RALYL: variants seen among roughly 807,000 people sequenced by gnomAD.
The protein encoded by RALYL is RALY RNA binding protein like.
A neutral mutation model predicts 35.1 loss-of-function variants in RALYL; 29 were observed. That is an observed-to-expected ratio of 0.83 (90% CI 0.61 to 1.13). RALYL has a LOEUF of 1.13. RALYL is among the 50% of genes most tolerant of loss of function. The pLI is 0.00. For missense variants in RALYL, 359 were observed against 360.4 expected (o/e 1.00, Z 0.03); for synonymous variants, 120 against 127.6 (o/e 0.94, Z 0.40).
chr8:84,315,971 A>G (rs188116522), intron 1 of RALYL, among the ~76,000 whole-genome samples: 3 of 152,270 alleles, frequency 2.0e-5, no homozygotes, highest in Admixed American at 2.0e-4. Context: ...AGCACAACTG[A>G]TGCTATTTAG....
intron 4 of RALYL, among the ~76,000 whole-genome samples, chr8:84,849,296 T>C (rs1385555999): frequency 6.6e-6 from 1 of 152,198 alleles, no homozygotes; most frequent in Non-Finnish European, 1.5e-5. Flanking sequence ...ATTTAAAGTA[T>C]TGAATCCATA....
chr8:84,692,923 A>G (rs1238133999), intron 2 of RALYL, among the ~76,000 whole-genome samples: 1 of 152,038 alleles, frequency 6.6e-6, no homozygotes, highest in African/African-American at 2.4e-5. Flanking sequence ...GGAAGAGGCC[A>G]TGAGCCAAGG....
intron 1 of RALYL, among the ~76,000 whole-genome samples, chr8:84,218,062 A>T (rs887405783): frequency 1.3e-4 from 20 of 152,080 alleles, no homozygotes; most frequent in Non-Finnish European, 2.4e-4. Flanking sequence ...TTTCTGAAAA[A>T]ATATAAAGTC....
At chr8:84,902,799 A>G (rs776701110) in intron 8 of RALYL, among the ~76,000 whole-genome samples, 3 of 152,172 alleles carry the variant, frequency 2.0e-5, no homozygotes, top group African/African-American at 7.2e-5. Flanking sequence ...TGGGTTATTG[A>G]AAAGATTAAA....
At chr8:84,256,004 T>C (rs182229174) in intron 1 of RALYL, among the ~76,000 whole-genome samples, 106 of 152,244 alleles carry the variant, frequency 7.0e-4, no homozygotes, top group African/African-American at 2.5e-3. Flanking sequence ...CAGAGTATCA[T>C]GAAATAATCT....
chr8:84,496,045 C>A (rs1564032227), intron 1 of RALYL, among the ~76,000 whole-genome samples: 1 of 151,944 alleles, frequency 6.6e-6, no homozygotes, highest in Admixed American at 6.6e-5. Flanking sequence ...AAGCACTATG[C>A]ATTATACAGG....
chr8:84,775,087 T>C (rs1462670631), intron 3 of RALYL, among the ~76,000 whole-genome samples: 1 of 152,080 alleles, frequency 6.6e-6, no homozygotes, highest in Non-Finnish European at 1.5e-5. Context: ...GAAGCTGGGA[T>C]TGCAGGTGCC....
Position 84,681,523 on chromosome 8 carries a change from C to G in RALYL, c.257-93056C>G, listed in dbSNP as rs540934673. Among the ~76,000 whole-genome samples, 1,074 of 152,218 alleles carry G rather than the reference C, an allele frequency of 7.1e-3. 9 individuals carry two copies. The highest frequency in any genetic ancestry group is 0.014 in the Middle Eastern group (4 of 294). ...TTGTGTCCTCTTTTATTTTGTTGAG[C>G]AGTGGTTTGTAGTTCTCCTCGAAGA... On this transcript the variant is annotated intron_variant, in intron 2 of 8. Transcript: ENST00000521268.
At chr8:84,907,064 C>T in intron 8 of RALYL, 1 of 641,108 alleles carries the variant, frequency 1.6e-6, no homozygotes, top group Non-Finnish European at 1.9e-6. Flanking sequence ...TCCCGGAAAC[C>T]TTATGCATAT....
chr8:84,298,776 C>G (rs142569354), intron 1 of RALYL, among the ~76,000 whole-genome samples: 3 of 152,004 alleles, frequency 2.0e-5, no homozygotes, highest in African/African-American at 7.2e-5. Flanking sequence ...TTTCGCCTCC[C>G]TGGTTAGCTG....
intron 7 of RALYL, among the ~76,000 whole-genome samples, chr8:84,885,642 T>C (rs955620370): frequency 6.6e-6 from 1 of 152,174 alleles, no homozygotes; most frequent in African/African-American, 2.4e-5. Flanking sequence ...TCTATTTATA[T>C]GAAGTAAATG....
chr8:84,718,450 T>A (rs1364673641), intron 2 of RALYL, among the ~76,000 whole-genome samples: 1 of 152,126 alleles, frequency 6.6e-6, no homozygotes, highest in Non-Finnish European at 1.5e-5. Flanking sequence ...TTTTAATTAT[T>A]GCATAAAATT....
chr8:84,873,678 T>A (rs950840932), intron 7 of RALYL, among the ~76,000 whole-genome samples: 10 of 152,180 alleles, frequency 6.6e-5, no homozygotes, highest in Non-Finnish European at 1.5e-4. Flanking sequence ...TGAAACTTTA[T>A]CTCAATATCA....
At chr8:84,911,785 T>G (rs7013566) in intron 8 of RALYL, among the ~76,000 whole-genome samples, 22,369 of 152,068 alleles carry the variant, frequency 0.15, 3,776 homozygotes, top group African/African-American at 0.41. Flanking sequence ...TCAATATTTT[T>G]CTAGGATGGC....
chr8:84,914,421 A>G (rs1012312492), intron 8 of RALYL, among the ~76,000 whole-genome samples: 1 of 152,042 alleles, frequency 6.6e-6, no homozygotes, highest in Non-Finnish European at 1.5e-5. Flanking sequence ...ACTATAATCT[A>G]TCAATGCAAC....
chr8:84,837,614 T>C (rs1225485878), intron 4 of RALYL, among the ~76,000 whole-genome samples: 1 of 152,188 alleles, frequency 6.6e-6, no homozygotes, highest in Non-Finnish European at 1.5e-5. Context: ...AAAGTTTAAA[T>C]GAAATTTCAG....
At chr8:84,638,375 C>G (rs1443390122) in intron 2 of RALYL, among the ~76,000 whole-genome samples, 1 of 151,766 alleles carries the variant, frequency 6.6e-6, no homozygotes, top group Admixed American at 6.6e-5. Context: ...CACAAATGGA[C>G]AATCTAAGCT....
intron 5 of RALYL, among the ~76,000 whole-genome samples, chr8:84,854,361 AAAGG>A (rs371606673): frequency 2.5e-5 from 2 of 79,708 alleles, no homozygotes; most frequent in Admixed American, 3.1e-4. Flanking sequence ...AGAAAAAGAA[AAAGG>A]AAGAAAAAGA....
chr8:84,307,874 AG>A (rs1247175307), intron 1 of RALYL, among the ~76,000 whole-genome samples: 3 of 152,216 alleles, frequency 2.0e-5, no homozygotes, highest in African/African-American at 4.8e-5. Context: ...TCACAAAAAA[AG>A]GGCTCAGATA....
Sources: gnomAD v4.1 joint callset for allele counts (sites outside exome capture counted in the v4.1 genomes callset) on GRCh38, gnomAD v4.1.1 for gene constraint, MANE v1.5 for transcripts, NCBI Gene and HGNC (gene_info 2026-07-23, HGNC 2026-07-21) for gene names.